Variants in CLNK observed in about 807,000 individuals in gnomAD.
CLNK encodes the protein cytokine-dependent hematopoietic cell linker.
A neutral mutation model predicts 68.6 loss-of-function variants in CLNK; 74 were observed. The ratio of observed to expected loss-of-function variants is 1.08; its 90% CI spans 0.89 to 1.31. The LOEUF is 1.31. Ranked by LOEUF, CLNK falls within the 50% of genes most tolerant of loss-of-function variation. CLNK has a pLI of 0.00. For missense variants in CLNK, 553 were observed against 515.3 expected (o/e 1.07, Z -0.71); for synonymous variants, 198 against 172.2 (o/e 1.15, Z -1.17).
intron 12 of CLNK, among the ~76,000 whole-genome samples, chr4:10,528,641 C>T (rs1022069954): frequency 3.3e-5 from 5 of 152,046 alleles, no homozygotes; most frequent in African/African-American, 1.2e-4. Context: ...TAAGTAGGCA[C>T]CCATGTTACA....
At chr4:10,581,425 G>A (rs190513916) in intron 4 of CLNK, among the ~76,000 whole-genome samples, 64 of 152,180 alleles carry the variant, frequency 4.2e-4, no homozygotes, top group Admixed American at 3.9e-3. Flanking sequence ...TTTATTCACT[G>A]GACAACAGTT....
chr4:10,535,292 T>C, intron 11 of CLNK, among the ~76,000 whole-genome samples: 1 of 148,116 alleles, frequency 6.8e-6, no homozygotes, highest in East Asian at 2.0e-4. Flanking sequence ...GTTAGGCAAG[T>C]GGGTGTTTTG....
At chr4:10,600,950 G>C (rs894888352) in intron 2 of CLNK, among the ~76,000 whole-genome samples, 1 of 152,156 alleles carries the variant, frequency 6.6e-6, no homozygotes, top group Admixed American at 6.6e-5. Context: ...TTCTTCCTGG[G>C]TGCCTCGAGA....
intron 16 of CLNK, among the ~76,000 whole-genome samples, chr4:10,512,225 G>A (rs1717618378): frequency 6.6e-6 from 1 of 151,676 alleles, no homozygotes; most frequent in African/African-American, 2.4e-5. Flanking sequence ...AATAAAAGAA[G>A]GATATGCATT....
chr4:10,581,973 G>A (rs1257317505), intron 4 of CLNK, among the ~76,000 whole-genome samples: 2 of 152,040 alleles, frequency 1.3e-5, no homozygotes, highest in Non-Finnish European at 2.9e-5. Context: ...GGATTCCCTG[G>A]CCTTACCATA....
Position 10,501,800 on chromosome 4 carries a change from G to A in CLNK, c.985-389C>T, listed in dbSNP as rs189263452. Among the ~76,000 whole-genome samples, 284 of 152,256 alleles carry A rather than the reference G, an allele frequency of 1.9e-3. 1 individual carries two copies. Among genetic ancestry groups the A allele is most frequent in the Non-Finnish European group, 8.1e-4 (55 of 68,028 alleles). ...GAATTAGCCGGGCATGGTGGCGGGC[G>A]CCTGTAATCCCAGCTACTCAGGAGG... On this transcript the variant is annotated intron_variant, in intron 17 of 18. Transcript: ENST00000226951.
the CLNK span, among the ~76,000 whole-genome samples, chr4:10,716,474 A>C: frequency 6.6e-6 from 1 of 152,148 alleles, no homozygotes; most frequent in Non-Finnish European, 1.5e-5. Context: ...AATTGTGGGG[A>C]GAAGGTGACA....
At chr4:10,640,161 T>C (rs1434208338) in intron 2 of CLNK, among the ~76,000 whole-genome samples, 1 of 152,094 alleles carries the variant, frequency 6.6e-6, no homozygotes, top group Non-Finnish European at 1.5e-5. Flanking sequence ...GACTAACATT[T>C]TTTTTTTTTG....
chr4:10,503,343 T>A (rs1335055482), intron 17 of CLNK, among the ~76,000 whole-genome samples: 1 of 151,730 alleles, frequency 6.6e-6, no homozygotes, highest in East Asian at 1.9e-4. Context: ...GTCCCTGTTA[T>A]CCTAGCTACT....
chr4:10,589,441 T>C (rs1721104623), intron 3 of CLNK, among the ~76,000 whole-genome samples: 1 of 152,148 alleles, frequency 6.6e-6, no homozygotes, highest in Non-Finnish European at 1.5e-5. Context: ...CCCAGAGTAA[T>C]GGTGCTCATT....
chr4:10,498,335 C>CA (rs1172964241), intron 18 of CLNK, among the ~76,000 whole-genome samples: 13 of 149,478 alleles, frequency 8.7e-5, no homozygotes, highest in Non-Finnish European at 1.6e-4. Context: ...TAAAAAAATA[C>CA]AAAAAAATTA....
chr4:10,667,715 A>T, intron 2 of CLNK, 144 bp downstream of exon 2: 1 of 592,206 alleles, frequency 1.7e-6, no homozygotes, highest in African/African-American at 1.9e-5. Flanking sequence ...ACCAAAGCCC[A>T]CAATCTCAAC....
At chr4:10,565,196 G>T (rs549079957) in intron 6 of CLNK, among the ~76,000 whole-genome samples, 1 of 152,220 alleles carries the variant, frequency 6.6e-6, no homozygotes, top group South Asian at 2.1e-4. Flanking sequence ...CTTCCTGAGG[G>T]TATGGATCCT....
intron 8 of CLNK, among the ~76,000 whole-genome samples, chr4:10,549,475 T>C (rs1362131201): frequency 6.6e-6 from 1 of 152,206 alleles, no homozygotes; most frequent in African/African-American, 2.4e-5. Flanking sequence ...TTGATCCTGT[T>C]CATACTATGG....
chr4:10,542,064 A>C (rs764128162), intron 9 of CLNK, 23 bp from the exon 10 acceptor site: 1 of 1,584,072 alleles, frequency 6.3e-7, no homozygotes, highest in East Asian at 2.2e-5. Context: ...AGAGAAACCT[A>C]AATTAAGTTT....
chr4:10,668,905 T>C (rs1319145361), intron 1 of CLNK, among the ~76,000 whole-genome samples: 3 of 152,084 alleles, frequency 2.0e-5, no homozygotes, highest in African/African-American at 7.2e-5. Flanking sequence ...GTTAATATGG[T>C]TTTATATCTA....
At chr4:10,562,818 G>C (rs1383656116) in intron 7 of CLNK, among the ~76,000 whole-genome samples, 1 of 152,078 alleles carries the variant, frequency 6.6e-6, no homozygotes, top group Non-Finnish European at 1.5e-5. Context: ...AAGTACACTT[G>C]CTTATCTATT....
At chr4:10,645,025 T>C (rs1458238164) in intron 2 of CLNK, among the ~76,000 whole-genome samples, 1 of 152,232 alleles carries the variant, frequency 6.6e-6, no homozygotes, top group Non-Finnish European at 1.5e-5. Flanking sequence ...ACATACTGTT[T>C]GCTCTTTCTG....
intron 2 of CLNK, among the ~76,000 whole-genome samples, chr4:10,618,084 T>C (rs1429318519): frequency 1.3e-5 from 2 of 152,176 alleles, no homozygotes; most frequent in Non-Finnish European, 2.9e-5. Context: ...CGAACATTCT[T>C]AGTAGTATTA....
Sources: gnomAD v4.1 joint callset for allele counts (sites outside exome capture counted in the v4.1 genomes callset) on GRCh38, gnomAD v4.1.1 for gene constraint, MANE v1.5 for transcripts, NCBI Gene and HGNC (gene_info 2026-07-23, HGNC 2026-07-21) for gene names.